The following YWHAQ variants were observed in gnomAD, a reference collection of about 807,000 sequenced individuals.
YWHAQ encodes the protein 14-3-3 protein theta.
In YWHAQ, 6 loss-of-function variants were observed where a neutral mutation model predicts 28.3. The ratio of observed to expected loss-of-function variants is 0.21; its 90% CI spans 0.12 to 0.42. The LOEUF (loss-of-function observed/expected upper bound fraction) is 0.42, where lower values mean the gene tolerates loss of function less well. Ranked by LOEUF, YWHAQ falls within the 10% of genes least tolerant of loss-of-function variation. YWHAQ has a pLI of 1.00. For missense variants in YWHAQ, 201 were observed against 305.6 expected (o/e 0.66, Z 2.55); for synonymous variants, 143 against 119.1 (o/e 1.20, Z -1.31).
chr2:9,584,224 C>T lies in YWHAQ; in HGVS notation c.*1062G>A, dbSNP rs868059430. 4 of 152,730 alleles carry T rather than the reference C, an allele frequency of 2.6e-5. No homozygotes were observed. The highest frequency in any genetic ancestry group is 6.8e-3 in the Middle Eastern group (2 of 294). The allele number at this position is 152,730 out of a possible 1,614,324, so 9.5% of individuals were successfully genotyped here. ...TTTAGAAAGTAGTAAATTCACCTGT[C>T]CCTTAAAATATGGGTATGCAATTGT... On this transcript the variant is annotated 3_prime_UTR_variant, in exon 6 of 6. Coordinates refer to ENST00000238081, the MANE Select transcript of YWHAQ (RefSeq NM_006826.4).
chr2:9,627,452 C>T (rs914552702), intron 2 of YWHAQ, among the ~76,000 whole-genome samples: 10 of 152,208 alleles, frequency 6.6e-5, no homozygotes, highest in Admixed American at 1.3e-4. Context: ...AAATTACTAA[C>T]TCATCAATTA....
At chr2:9,600,707 A>G (rs150601036) in intron 2 of YWHAQ, among the ~76,000 whole-genome samples, 2,590 of 151,982 alleles carry the variant, frequency 0.017, 82 homozygotes, top group African/African-American at 0.059. Flanking sequence ...CTCTGTCTCA[A>G]AAAAAAAGAA....
chr2:9,611,831 C>T (rs1572999679), intron 2 of YWHAQ, among the ~76,000 whole-genome samples: 1 of 152,284 alleles, frequency 6.6e-6, no homozygotes, highest in Admixed American at 6.5e-5. Flanking sequence ...CCACCACGCC[C>T]AGCTAATTTT....
intron 2 of YWHAQ, among the ~76,000 whole-genome samples, chr2:9,591,906 C>CA (rs1387676044): frequency 6.6e-6 from 1 of 152,172 alleles, no homozygotes; most frequent in Non-Finnish European, 1.5e-5. Context: ...GTAAGTACAC[C>CA]AACTACATAC....
chr2:9,617,044 T>C (rs1282651341), intron 2 of YWHAQ, among the ~76,000 whole-genome samples: 1 of 151,966 alleles, frequency 6.6e-6, no homozygotes, highest in Non-Finnish European at 1.5e-5. Context: ...CACTGCAAGC[T>C]CCGCCTCCTG....
At chr2:9,602,860 A>C (rs1225401830) in intron 2 of YWHAQ, among the ~76,000 whole-genome samples, 1 of 11,044 alleles carries the variant, frequency 9.1e-5, no homozygotes, top group Non-Finnish European at 1.9e-4. Context: ...AAAAAAAAAA[A>C]AAATATATAT....
At chr2:9,597,002 AAT>A (rs1283247237) in intron 2 of YWHAQ, among the ~76,000 whole-genome samples, 1 of 152,226 alleles carries the variant, frequency 6.6e-6, no homozygotes, top group Non-Finnish European at 1.5e-5. Flanking sequence ...TATGTGTCAG[AAT>A]ATATGAGTTT....
chr2:9,602,843 AAAAAAAAAAAAAAAAAAAAATAT>A (rs1375776146), intron 2 of YWHAQ, among the ~76,000 whole-genome samples: 32 of 29,148 alleles, frequency 1.1e-3, no homozygotes, highest in Admixed American at 3.2e-3. Flanking sequence ...AAAAAAAAAA[AAAAAAAAAAAAAAAAAAAAATAT>A]ATATATATAT....
At chr2:9,614,480 C>A (rs186896497) in intron 2 of YWHAQ, among the ~76,000 whole-genome samples, 2 of 152,248 alleles carry the variant, frequency 1.3e-5, no homozygotes, top group East Asian at 3.9e-4. Context: ...AAAGAACTTT[C>A]CTTAAAATGG....
chr2:9,624,901 C>T (rs1667218624), intron 2 of YWHAQ, among the ~76,000 whole-genome samples: 2 of 151,970 alleles, frequency 1.3e-5, no homozygotes, highest in African/African-American at 2.4e-5. Flanking sequence ...CGCCACTACG[C>T]CAGGCTAATT....
intron 2 of YWHAQ, among the ~76,000 whole-genome samples, chr2:9,624,564 G>T (rs1339912624): frequency 6.6e-6 from 1 of 151,976 alleles, no homozygotes; most frequent in African/African-American, 2.4e-5. Flanking sequence ...CCTGTGCACC[G>T]CATGATGTTT....
chr2:9,596,024 GA>G (rs1666563184), intron 2 of YWHAQ, among the ~76,000 whole-genome samples: 2 of 152,148 alleles, frequency 1.3e-5, no homozygotes, highest in African/African-American at 4.8e-5. Flanking sequence ...AAAGTGAAAG[GA>G]AAGAATGTAA....
At chr2:9,605,647 GCTT>G (rs1666809849) in intron 2 of YWHAQ, among the ~76,000 whole-genome samples, 3 of 151,386 alleles carry the variant, frequency 2.0e-5, no homozygotes, top group Middle Eastern at 6.8e-3. Flanking sequence ...TGCAACCTCT[GCTT>G]CCCGGGTTCA....
chr2:9,619,246 G>A (rs1043587529), intron 2 of YWHAQ, among the ~76,000 whole-genome samples: 3 of 152,068 alleles, frequency 2.0e-5, no homozygotes, highest in Non-Finnish European at 4.4e-5. Context: ...AGTGCTTTTT[G>A]GTATCTGTAT....
At chr2:9,605,480 A>G (rs1471629677) in intron 2 of YWHAQ, among the ~76,000 whole-genome samples, 1 of 152,100 alleles carries the variant, frequency 6.6e-6, no homozygotes. Flanking sequence ...TTTTTTAAAA[A>G]AATCCTCACT....
intron 2 of YWHAQ, among the ~76,000 whole-genome samples, chr2:9,603,328 G>T (rs1419799500): frequency 1.4e-5 from 2 of 148,112 alleles, no homozygotes; most frequent in African/African-American, 5.0e-5. Context: ...GAAGTGCAGT[G>T]ACACGATCTC....
At chr2:9,592,660 G>A (rs901776757) in intron 2 of YWHAQ, among the ~76,000 whole-genome samples, 1 of 152,136 alleles carries the variant, frequency 6.6e-6, no homozygotes, top group African/African-American at 2.4e-5. Flanking sequence ...GGGAGGTGGA[G>A]GTTGCAGTGA....
chr2:9,606,657 G>A (rs1388684440), intron 2 of YWHAQ, among the ~76,000 whole-genome samples: 2 of 152,100 alleles, frequency 1.3e-5, no homozygotes, highest in African/African-American at 2.4e-5. Context: ...AGCCTCCTGA[G>A]TAGCTGGGAT....
chr2:9,603,196 T>TA (rs1027924600), intron 2 of YWHAQ, among the ~76,000 whole-genome samples: 14 of 151,504 alleles, frequency 9.2e-5, no homozygotes, highest in Admixed American at 8.6e-4. Context: ...AATACAGACT[T>TA]ACAATCTGTT....
Sources: gnomAD v4.1 joint callset for allele counts (sites outside exome capture counted in the v4.1 genomes callset) on GRCh38, gnomAD v4.1.1 for gene constraint, MANE v1.5 for transcripts, NCBI Gene and HGNC (gene_info 2026-07-23, HGNC 2026-07-21) for gene names.